The following ZNF577 variants were observed in gnomAD, a reference collection of about 807,000 sequenced individuals.
ZNF577 encodes zinc finger protein 577.
A neutral mutation model predicts 13.9 loss-of-function variants in ZNF577; 14 were observed. That is an observed-to-expected ratio of 1.00 (90% confidence interval 0.66 to 1.57). The LOEUF is 1.57. Ranked by LOEUF, ZNF577 falls within the 40% of genes most tolerant of loss-of-function variation. The pLI, the probability that ZNF577 is intolerant of heterozygous loss-of-function variation, is 0.00. For missense variants in ZNF577, 555 were observed against 579.2 expected (o/e 0.96, Z 0.43); for synonymous variants, 203 against 202.9 (o/e 1.00, Z 0.00).
intron 5 of ZNF577, chr19:51,860,434 C>G (rs1271602506): frequency 6.6e-6 from 1 of 152,392 alleles, no homozygotes; most frequent in Non-Finnish European, 1.5e-5. Flanking sequence ...GATTTTATAC[C>G]TGCATTGAAC....
At chr19:51,862,036 T>C (rs2084508975) in intron 5 of ZNF577, 2 of 152,460 alleles carry the variant, frequency 1.3e-5, no homozygotes, top group South Asian at 2.1e-4. Context: ...GGGTGAAAGC[T>C]TGTTGACCTT....
At chr19:51,858,876 T>C (rs2084466837) in intron 5 of ZNF577, among the ~76,000 whole-genome samples, 1 of 152,188 alleles carries the variant, frequency 6.6e-6, no homozygotes, top group African/African-American at 2.4e-5. Context: ...AATTTTAGAG[T>C]GTACAATTCA....
intron 6 of ZNF577, among the ~76,000 whole-genome samples, chr19:51,843,898 T>C (rs10153494): frequency 0.071 from 10,768 of 152,190 alleles, 590 homozygotes; most frequent in South Asian, 0.23. Context: ...GCAACATATG[T>C]ATCTGTATTA....
chr19:51,858,457 T>G (rs1294715623), intron 5 of ZNF577, among the ~76,000 whole-genome samples: 1 of 152,224 alleles, frequency 6.6e-6, no homozygotes, highest in Non-Finnish European at 1.5e-5. Flanking sequence ...AGAAAAATGT[T>G]GCAATGGTCA....
Position 51,829,334 on chromosome 19 carries a change from G to A in ZNF577, c.*599+10559C>T, listed in dbSNP as rs557811750. 1.7e-4 allele frequency among the ~76,000 whole-genome samples: 26 copies of A among 152,224 alleles called. No homozygotes were observed. The South Asian group carries it at 2.5e-3, about 15-fold the overall frequency. On this transcript the variant is annotated intron_variant and NMD_transcript_variant, in intron 9 of 10. Coordinates refer to the ZNF577 transcript ENST00000638827. ...AATGACAAAGGCCTGGAGTCAACAC[G>A]TCTTGTGGGTAATTAACATTGTCAC...
At chr19:51,876,007 A>G (rs2084756141) in intron 5 of ZNF577, among the ~76,000 whole-genome samples, 1 of 152,242 alleles carries the variant, frequency 6.6e-6, no homozygotes, top group Non-Finnish European at 1.5e-5. Flanking sequence ...GCAATACAGC[A>G]GAACCTAAAT....
At chr19:51,879,466 G>C (rs935232297) in intron 3 of ZNF577, among the ~76,000 whole-genome samples, 3 of 151,834 alleles carry the variant, frequency 2.0e-5, no homozygotes, top group Non-Finnish European at 2.9e-5. Context: ...TTACTCAGGA[G>C]GCTGAGGCAG....
At chr19:51,844,658 T>A (rs185870383) in intron 6 of ZNF577, 12 of 152,314 alleles carry the variant, frequency 7.9e-5, no homozygotes, top group Non-Finnish European at 1.8e-4. Context: ...TCTAACCACA[T>A]CCCTGCCAGC....
At chr19:51,822,078 G>A (rs576310408) in intron 9 of ZNF577, among the ~76,000 whole-genome samples, 18 of 152,270 alleles carry the variant, frequency 1.2e-4, no homozygotes, top group African/African-American at 4.3e-4. Flanking sequence ...AGCAAATTTG[G>A]TCAAGTGGCA....
At chr19:51,819,735 G>C (rs538719363) in intron 9 of ZNF577, among the ~76,000 whole-genome samples, 1 of 152,314 alleles carries the variant, frequency 6.6e-6, no homozygotes, top group African/African-American at 2.4e-5. Flanking sequence ...CTAAAGTTTG[G>C]CTAGGAATTC....
intron 9 of ZNF577, among the ~76,000 whole-genome samples, chr19:51,816,532 A>C (rs2084138451): frequency 6.6e-6 from 1 of 152,174 alleles, no homozygotes; most frequent in Non-Finnish European, 1.5e-5. Flanking sequence ...ACTGGCGTGA[A>C]CCACCATGCC....
intron 5 of ZNF577, 83 bp downstream of exon 5, chr19:51,877,199 C>T: frequency 8.3e-7 from 1 of 1,210,372 alleles, no homozygotes; most frequent in Non-Finnish European, 1.2e-6. Context: ...CTCTAAAGAA[C>T]ACTTTAAAAG....
In ZNF577 at chr19:51,877,518, T is replaced by C. The variant is rs79294328; in HGVS notation, c.188-141A>G. On this transcript the variant is annotated intron_variant, in intron 4 of 5. Coordinates refer to ENST00000638348, the MANE Select transcript of ZNF577 (RefSeq NM_001370449.1). The stretch of plus-strand genomic sequence containing the variant: ...CACTCAGGAAAAGAGCACAACCACT[T>C]CGTGCCAGGGAGGAAAATAACAGTC... 56 of 648,736 alleles carry C rather than the reference T, an allele frequency of 8.6e-5. No individual in the cohort carries two copies. The African/African-American group carries it at 9.3e-4, about 11-fold the overall frequency. 40.2% of individuals were successfully genotyped at this position (648,736 alleles called of 1,614,324 possible).
rs868445518 is a variant in ZNF577, at chr19:51,857,377, A to G, written c.284-12446T>C. 3.9e-3 allele frequency among the ~76,000 whole-genome samples: 411 copies of G among 105,968 alleles called. 11 individuals carry two copies. The highest frequency in any genetic ancestry group is 0.01 in the South Asian group (24 of 2,352). The allele number at this position is 105,968 out of a possible 152,430, so 69.5% of individuals were successfully genotyped here. A position where few individuals can be genotyped will look rare whatever the true frequency, so the allele number is the denominator to read the frequency against. On this transcript the variant is annotated intron_variant and NMD_transcript_variant, in intron 5 of 10. Transcript: ENST00000638827. ...AAGAAAGAAGGAAGGAAAGAAAGAA[A>G]GAAAGAAAGAAAGAAAGAAAGAAAG...
At chr19:51,816,216 T>C (rs1372919479) in intron 9 of ZNF577, among the ~76,000 whole-genome samples, 3 of 152,246 alleles carry the variant, frequency 2.0e-5, no homozygotes, top group African/African-American at 4.8e-5. Context: ...ACTTGCCCTA[T>C]GCATCTATTT....
Position 51,873,348 on chromosome 19 carries a change from A to C in ZNF577, c.642T>G (p.His214Gln). The C allele has an allele frequency of 6.2e-7, 1 of 1,614,136 alleles. No homozygotes were observed. Among genetic ancestry groups the C allele is most frequent in the African/African-American group, 1.3e-5 (1 of 75,012 alleles). The change falls in exon 6 of 6, where the codon CAT (histidine) becomes CAG (glutamine). Residue 214 changes from histidine to glutamine, a missense_variant. By Grantham distance (24) the His-to-Gln change is conservative. Transcript: ENST00000638348. ...AGGCTTTTCCACATTCACTACATTC[A>C]TGGGGCTTCTCTCCTGTGTGAGTTC... is the stretch of plus-strand genomic sequence containing the variant. ...HQRTHTGEKPHECSECGKAFS... is the reference protein window; with the variant it reads ...HQRTHTGEKPQECSECGKAFS...
At chr19:51,822,721 C>T (rs985064196) in intron 9 of ZNF577, among the ~76,000 whole-genome samples, 9 of 152,214 alleles carry the variant, frequency 5.9e-5, no homozygotes, top group African/African-American at 2.2e-4. Context: ...TATTCATGCT[C>T]ATTCTGTTTA....
chr19:51,826,290 T>G (rs529907694), intron 9 of ZNF577: 4 of 152,376 alleles, frequency 2.6e-5, no homozygotes, highest in African/African-American at 9.6e-5. Context: ...TTCTCTACTG[T>G]CCTTGTTAGC....
chr19:51,867,953 C>A lies in ZNF577; in HGVS notation c.*4579G>T, dbSNP rs138297060. On this transcript the variant is annotated 3_prime_UTR_variant, in exon 6 of 6. Transcript: ENST00000638348. ...GCAATGAGAACCTGGAATGTCTTCT[C>A]CCTTGCATGGGATCAGAGCCAGGCA... Among the ~76,000 whole-genome samples, 1,043 of 152,240 alleles carry A rather than the reference C, an allele frequency of 6.9e-3. 7 individuals carry two copies. Among genetic ancestry groups the A allele is most frequent in the African/African-American group, 0.024 (997 of 41,536 alleles).
Sources: gnomAD v4.1 joint callset for allele counts (sites outside exome capture counted in the v4.1 genomes callset) on GRCh38, gnomAD v4.1.1 for gene constraint, MANE v1.5 for transcripts, NCBI Gene and HGNC (gene_info 2026-07-23, HGNC 2026-07-21) for gene names.